Variants in LRRC15 observed in about 807,000 individuals in gnomAD.
LRRC15 encodes the protein leucine rich repeat containing 15, also known as leucine-rich repeat-containing protein 15.
LRRC15 carries 5 observed loss-of-function variants against 4.3 expected under a neutral mutation model. That is an observed-to-expected ratio of 1.16 (90% confidence interval 0.61 to 2.44). LRRC15 has a LOEUF of 2.44. Among genes scored for constraint, LRRC15 ranks in the 30% most tolerant of loss-of-function variants. The pLI is 0.01. For synonymous variants in LRRC15, 337 were observed against 323.2 expected (o/e 1.04, Z -0.46); for missense variants, 769 against 747.0 (o/e 1.03, Z -0.34).
chr3:194,355,771 A>T lies in LRRC15; in HGVS notation c.*3527T>A, dbSNP rs1257520978. ...TCCTGAGTTTGGAAGTTCTTTCCCA[A>T]TAGCTCTACATCAGCATCTGAAAGG... On this transcript the variant is annotated 3_prime_UTR_variant, in exon 2 of 2. Coordinates refer to ENST00000347624, the MANE Select transcript of LRRC15 (RefSeq NM_130830.5). 2.0e-5 allele frequency: 3 copies of T among 152,214 alleles called. No homozygotes were observed. The highest frequency in any genetic ancestry group is 7.2e-5 in the African/African-American group (3 of 41,446). 9.4% of individuals were successfully genotyped at this position (152,214 alleles called of 1,614,324 possible).
intron 1 of LRRC15, among the ~76,000 whole-genome samples, chr3:194,365,420 C>A (rs544122296): frequency 1.3e-5 from 2 of 152,310 alleles, no homozygotes; most frequent in Non-Finnish European, 2.9e-5. Context: ...TTAATACCAT[C>A]GTTCACATTC....
At position 194,355,636 on chromosome 3, in the gene LRRC15, C is replaced by G. The variant is rs1198947621; in HGVS notation, c.*3662G>C. The G allele has an allele frequency of 1.3e-5, 2 of 152,196 alleles. No homozygotes were observed. The highest frequency in any genetic ancestry group is 2.9e-5 in the Non-Finnish European group (2 of 68,042). 9.4% of individuals were successfully genotyped at this position (152,196 alleles called of 1,614,324 possible). Reference sequence around the variant, plus strand: ...GCAGATTCAGTTCTGACTGTGGGATCTGGGGGCTGAATCTTTGAGTGGTTT... The same window carrying G: ...GCAGATTCAGTTCTGACTGTGGGATGTGGGGGCTGAATCTTTGAGTGGTTT... On this transcript the variant is annotated 3_prime_UTR_variant, in exon 2 of 2. Transcript: ENST00000347624.
intron 1 of LRRC15, among the ~76,000 whole-genome samples, chr3:194,361,898 G>T (rs147508792): frequency 6.6e-6 from 1 of 152,208 alleles, no homozygotes; most frequent in Non-Finnish European, 1.5e-5. Context: ...GTCCTGCCTC[G>T]CTGGGAGAGG....
rs770923626 is a variant in LRRC15, at chr3:194,359,895, A to G, written c.1149T>C (p.Asn383=). The G allele has an allele frequency of 6.2e-7, 1 of 1,614,122 alleles. No individual in the cohort carries two copies. The highest frequency in any genetic ancestry group is 1.1e-5 in the South Asian group (1 of 91,080). ...QNNRLRQLPG[N]IFANVNGLMA... ...TGAGGCCATTGACGTTGGCGAAGATATTCCCTGGGAGCTGTCTGAGGCGGT... is the reference window on the plus strand; with the variant it reads ...TGAGGCCATTGACGTTGGCGAAGATGTTCCCTGGGAGCTGTCTGAGGCGGT... Residue 383 remains asparagine (N), a synonymous_variant, in exon 2 of 2, where the codon AAT becomes AAC. Coordinates refer to ENST00000347624, the MANE Select transcript of LRRC15 (RefSeq NM_130830.5).
rs1217362343 is a variant in LRRC15 at position 194,356,893 on chromosome 3, C to G, written c.*2405G>C. 1 of 152,298 alleles carries G rather than the reference C, an allele frequency of 6.6e-6. No individual in the cohort carries two copies. The highest frequency in any genetic ancestry group is 6.5e-5 in the Admixed American group (1 of 15,290). 9.4% of individuals were successfully genotyped at this position (152,298 alleles called of 1,614,324 possible). On this transcript the variant is annotated 3_prime_UTR_variant, in exon 2 of 2. Transcript: ENST00000347624. ...GCTTCCTGTCTGGAGGGGTACGGGC[C>G]GGGATGCCCCTGTTGGCACCAGGCA...
In LRRC15 at chr3:194,360,136, T is replaced by C. The variant is rs1281068653; in HGVS notation, c.908A>G (p.Asn303Ser). The part of the protein sequence containing the change: ...PNLRELWLYD[N>S]HISSLPDNVF... ...ATTGTCGGGTAGAGAAGAGATGTGG[T>C]TGTCATAGAGCCAAAGCTCCCGCAG... Residue 303 changes from asparagine to serine, a missense_variant, in exon 2 of 2, where the codon AAC becomes AGC. By Grantham distance (46) the Asn-to-Ser change is conservative. Transcript: ENST00000347624. The C allele has an allele frequency of 2.5e-6, 4 of 1,614,040 alleles. No homozygotes were observed. Among genetic ancestry groups the C allele is most frequent in the Middle Eastern group, 1.6e-4 (1 of 6,082 alleles).
In LRRC15 at chr3:194,358,477, G is replaced by T. The variant is rs1020310679; in HGVS notation, c.*821C>A. ...TAAGCTGATTTTAATGTTTTTAGAA[G>T]TCCAAAATTCTACATGATTTCATTC... On this transcript the variant is annotated 3_prime_UTR_variant, in exon 2 of 2. Coordinates refer to ENST00000347624, the MANE Select transcript of LRRC15 (RefSeq NM_130830.5). 10 of 152,206 alleles carry T rather than the reference G, an allele frequency of 6.6e-5. No individual in the cohort carries two copies. The highest frequency in any genetic ancestry group is 2.4e-4 in the African/African-American group (10 of 41,448). 9.4% of individuals were successfully genotyped at this position (152,206 alleles called of 1,614,324 possible).
chr3:194,363,457 AC>A, intron 1 of LRRC15: 1 of 643,866 alleles, frequency 1.6e-6, no homozygotes, highest in Non-Finnish European at 2.8e-6. Flanking sequence ...CAGGTCCAGA[AC>A]CCAGCAACAG....
At chr3:194,367,729 C>G (rs9846288) in intron 1 of LRRC15, among the ~76,000 whole-genome samples, 122,155 of 152,280 alleles carry the variant, frequency 0.8, 49,454 homozygotes, top group East Asian at 0.94. Flanking sequence ...CAAACAGAAA[C>G]CTTCCTTGAA....
Position 194,360,807 on chromosome 3 carries a change from G to A in LRRC15, c.237C>T (p.Leu79=), listed in dbSNP as rs758922626. ...CATTCTTCTCAATCCTCAGGGCGAT[G>A]AGGGCTGAGATATTGAGGAACGGGG... ...NESPFLNISA[L]IALRIEKNEL... Residue 79 remains leucine (L), a synonymous_variant, in exon 2 of 2, where the codon CTC becomes CTT. Coordinates refer to ENST00000347624, the MANE Select transcript of LRRC15 (RefSeq NM_130830.5). 30 of 1,614,250 alleles carry A rather than the reference G, an allele frequency of 1.9e-5. No individual in the cohort carries two copies. Among genetic ancestry groups the A allele is most frequent in the Non-Finnish European group, 2.5e-5 (29 of 1,180,046 alleles).
At chr3:194,369,511 G>A (rs1713880299) in intron 1 of LRRC15, 150 bp downstream of exon 1, 1 of 87,236 alleles carries the variant, frequency 1.1e-5, no homozygotes, top group Non-Finnish European at 2.3e-5. Context: ...AGCACAGGCT[G>A]CTTCTGTCCC....
chr3:194,358,728 T>G lies in LRRC15; in HGVS notation c.*570A>C, dbSNP rs1713504158. 1 of 152,844 alleles carries G rather than the reference T, an allele frequency of 6.5e-6. No individual in the cohort carries two copies. Among genetic ancestry groups the G allele is most frequent in the African/African-American group, 2.4e-5 (1 of 41,438 alleles). 9.5% of individuals were successfully genotyped at this position (152,844 alleles called of 1,614,324 possible). A position where few individuals can be genotyped will look rare whatever the true frequency, so the allele number is the denominator to read the frequency against. On this transcript the variant is annotated 3_prime_UTR_variant, in exon 2 of 2. Transcript: ENST00000347624. ...GATTGACGGCTCTTAAGAAACCAGTTAAATGGTTTGAAGTCTTCTTTGAGG... is the reference window on the plus strand; with the variant it reads ...GATTGACGGCTCTTAAGAAACCAGTGAAATGGTTTGAAGTCTTCTTTGAGG...
intron 1 of LRRC15, among the ~76,000 whole-genome samples, chr3:194,363,917 CTTTCCT>C (rs1713706576): frequency 1.3e-5 from 2 of 152,190 alleles, no homozygotes; most frequent in Non-Finnish European, 2.9e-5. Flanking sequence ...TCTACAATCA[CTTTCCT>C]AGCATCCCTG....
intron 1 of LRRC15, among the ~76,000 whole-genome samples, chr3:194,368,062 G>A (rs376304342): frequency 2.0e-5 from 3 of 152,240 alleles, no homozygotes; most frequent in Admixed American, 6.5e-5. Flanking sequence ...CTTCTCAGGC[G>A]GGCACCTGGG....
At chr3:194,361,613 T>C (rs1247411613) in intron 1 of LRRC15, among the ~76,000 whole-genome samples, 1 of 152,028 alleles carries the variant, frequency 6.6e-6, no homozygotes, top group Non-Finnish European at 1.5e-5. Context: ...TGGGAACAAA[T>C]AAATAGGGCT....
At chr3:194,363,516 T>C in intron 1 of LRRC15, 1 of 483,794 alleles carries the variant, frequency 2.1e-6, no homozygotes, top group Non-Finnish European at 3.8e-6. Context: ...GGCTCAATAT[T>C]CACCCTAGGA....
intron 1 of LRRC15, among the ~76,000 whole-genome samples, chr3:194,369,173 G>A (rs1049709963): frequency 3.3e-5 from 5 of 152,252 alleles, no homozygotes; most frequent in African/African-American, 4.8e-5. Context: ...ATGAAGGAAG[G>A]TCTTGGGCAG....
rs143023950 is a variant in LRRC15, at chr3:194,359,540, C to T, written c.1504G>A (p.Val502Ile). Reference sequence around the variant, plus strand: ...CTGGTTAGCTCAGTGGTAGAAGAGACGGATGTGGTGTCAGGGTAACTGGGT... The same window carrying T: ...CTGGTTAGCTCAGTGGTAGAAGAGATGGATGTGGTGTCAGGGTAACTGGGT... ...DTPSYPDTTS[V>I]SSTTELTSPV... Residue 502 changes from valine to isoleucine, a missense_variant, in exon 2 of 2, where the codon GTC becomes ATC. Transcript: ENST00000347624. 3.4e-5 allele frequency: 55 copies of T among 1,614,150 alleles called. No individual in the cohort carries two copies. Among genetic ancestry groups the T allele is most frequent in the South Asian group, 8.8e-5 (8 of 91,086 alleles).
rs367626520 is a variant in LRRC15 at position 194,359,285 on chromosome 3, C to G, written c.*13G>C. 6.5e-7 allele frequency: 1 copy of G among 1,539,798 alleles called. No homozygotes were observed. Among genetic ancestry groups the G allele is most frequent in the Non-Finnish European group, 8.8e-7 (1 of 1,141,602 alleles). On this transcript the variant is annotated 3_prime_UTR_variant, in exon 2 of 2. Transcript: ENST00000347624. ...AGTCCCATCATTCCCCAGCCCTGCT[C>G]CAGCCTGCCTCTTTAACACTCATTG... is the stretch of plus-strand genomic sequence containing the variant.
Sources: gnomAD v4.1 joint callset for allele counts (sites outside exome capture counted in the v4.1 genomes callset) on GRCh38, gnomAD v4.1.1 for gene constraint, MANE v1.5 for transcripts, NCBI Gene and HGNC (gene_info 2026-07-23, HGNC 2026-07-21) for gene names.